Variants in CUL9 observed in about 807,000 individuals in gnomAD.
CUL9 encodes the protein cullin-9.
Under a neutral mutation model 272.6 loss-of-function variants are expected in CUL9, and 79 were observed. The observed-to-expected ratio is 0.29, with a 90% confidence interval of 0.24 to 0.35. The LOEUF is 0.35. CUL9 is among the 10% of genes least tolerant of loss of function. The pLI is 1.00. For synonymous variants in CUL9, 1,186 were observed against 1,286.5 expected, an observed-to-expected ratio of 0.92 and a Z score of 1.67; for missense variants, 2,532 against 3,255.6, an observed-to-expected ratio of 0.78 and a Z score of 5.41.
Position 43,213,489 on chromosome 6 carries a change from C to T in CUL9, c.5410C>T (p.Leu1804=). Reference sequence around the variant, plus strand: ...GGATTCTGACCTCTCCCCAGAGCTGCTGCTCCAGGCACTCGTGCCCCTCAC... The same window carrying T: ...GGATTCTGACCTCTCCCCAGAGCTGTTGCTCCAGGCACTCGTGCCCCTCAC... ...LKDSDLSPEL[L]LQALVPLTSG... Residue 1804 remains leucine (L), a synonymous_variant, in exon 28 of 41, where the codon CTG becomes TTG. Coordinates refer to ENST00000252050, the MANE Select transcript of CUL9 (RefSeq NM_015089.4). The surrounding 1 kb of genome is among the most constrained non-coding windows in gnomAD (Gnocchi z 5.7). The T allele has an allele frequency of 6.2e-7, 1 of 1,614,098 alleles. No individual in the cohort carries two copies. Among genetic ancestry groups the T allele is most frequent in the Non-Finnish European group, 8.5e-7 (1 of 1,180,006 alleles).
intron 9 of CUL9, among the ~76,000 whole-genome samples, chr6:43,195,468 G>T (rs1365439946): frequency 1.3e-5 from 2 of 152,232 alleles, no homozygotes; most frequent in Non-Finnish European, 2.9e-5. Flanking sequence ...AGGTTTTGGA[G>T]ACTTGGTGTA....
At chr6:43,183,775 CAG>C (rs1348859168) in intron 1 of CUL9, among the ~76,000 whole-genome samples, 1 of 150,102 alleles carries the variant, frequency 6.7e-6, no homozygotes, top group Non-Finnish European at 1.5e-5. Flanking sequence ...TTTTTTTTGA[CAG>C]AATCTCACTC....
In CUL9 at chr6:43,213,243, G is replaced by C; in HGVS notation, c.5307G>C (p.Leu1769=). 6.2e-7 allele frequency: 1 copy of C among 1,614,138 alleles called. No homozygotes were observed. The highest frequency in any genetic ancestry group is 8.5e-7 in the Non-Finnish European group (1 of 1,180,028). The change falls in exon 27 of 41, where the codon CTG becomes CTC. Residue 1769 remains leucine, a synonymous_variant. Transcript: ENST00000252050. The surrounding 1 kb of genome is among the most constrained non-coding windows in gnomAD (Gnocchi z 5.7). ...RAELQFGKQI[L]HVSTVQMWLL... ...AGCTGCAGTTTGGGAAGCAGATACT[G>C]CATGTGTCCACCGTGCAGATGTGGC...
Position 43,199,121 on chromosome 6 carries a change from A to G in CUL9, c.3051-145A>G. On this transcript the variant is annotated intron_variant, in intron 12 of 40. Coordinates refer to ENST00000252050, the MANE Select transcript of CUL9 (RefSeq NM_015089.4). This position sits in a 1 kb window ranked among gnomAD's most constrained non-coding sequence, Gnocchi z 4.4. ...CCAGCTAATTTTGTATTTTTAGTAGAGATGGGGTTTCTCCATTTTGGTCAG... is the reference window on the plus strand; with the variant it reads ...CCAGCTAATTTTGTATTTTTAGTAGGGATGGGGTTTCTCCATTTTGGTCAG... 1.3e-6 allele frequency: 1 copy of G among 772,118 alleles called. No individual in the cohort carries two copies. The highest frequency in any genetic ancestry group is 1.6e-5 in the South Asian group (1 of 61,278). 47.8% of individuals were successfully genotyped at this position (772,118 alleles called of 1,614,324 possible).
In CUL9 at chr6:43,218,073, G is replaced by A. The variant is rs1252224935; in HGVS notation, c.6282+1570G>A. Among the ~76,000 whole-genome samples, 1 of 152,222 alleles carries A rather than the reference G, an allele frequency of 6.6e-6. No individual in the cohort carries two copies. The highest frequency in any genetic ancestry group is 1.9e-4 in the East Asian group (1 of 5,206). ...AATCCTCCCGCCTTGACCTCCCAAA[G>A]TGCTGGAATTATAGGCATAAGCCAC... On this transcript the variant is annotated intron_variant, in intron 31 of 40. Transcript: ENST00000252050. This position sits in a 1 kb window ranked among gnomAD's most constrained non-coding sequence, Gnocchi z 4.4.
intron 8 of CUL9, 148 bp from the exon 9 acceptor site, chr6:43,192,853 G>A: frequency 3.0e-6 from 2 of 667,286 alleles, no homozygotes; most frequent in Non-Finnish European, 2.6e-6. Context: ...GGGTGAGACT[G>A]AAGCCAGGAG....
In CUL9 at chr6:43,215,099, G is replaced by A; in HGVS notation, c.5709G>A (p.Lys1903=). 1 of 1,607,186 alleles carries A rather than the reference G, an allele frequency of 6.2e-7. No homozygotes were observed. Among genetic ancestry groups the A allele is most frequent in the Non-Finnish European group, 8.5e-7 (1 of 1,175,420 alleles). The change falls in exon 30 of 41, where the codon AAG becomes AAA. Residue 1903 remains lysine, a synonymous_variant. Coordinates refer to ENST00000252050, the MANE Select transcript of CUL9 (RefSeq NM_015089.4). ...LVCLVLEAWQ[K]GPNPPGTLGH... is the part of the protein sequence containing the mutation. Reference sequence around the variant, plus strand: ...TCCAGGTGCTGGAGGCCTGGCAGAAGGGTCCAAATCCTCCTGGAACCCTGG... The same window carrying A: ...TCCAGGTGCTGGAGGCCTGGCAGAAAGGTCCAAATCCTCCTGGAACCCTGG...
At chr6:43,188,357 CTTTG>C (rs1263399989) in intron 7 of CUL9, 162 bp from the exon 8 acceptor site, 8 of 823,062 alleles carry the variant, frequency 9.7e-6, no homozygotes, top group Non-Finnish European at 1.5e-5. Flanking sequence ...TCTTCATCTC[CTTTG>C]TTTGATCATT....
chr6:43,221,385 A>AGG lies in CUL9; in HGVS notation c.6752+69_6752+70dup. The AGG allele has an allele frequency of 1.0e-6, 1 of 989,940 alleles. No homozygotes were observed. The highest frequency in any genetic ancestry group is 1.5e-6 in the Non-Finnish European group (1 of 682,956). 61.3% of individuals were successfully genotyped at this position (989,940 alleles called of 1,614,324 possible). ...AGGGGGGAGGAGGCCTGGCAGAAGG[A>AGG]GGGGGGAACGGGCTTAGTGTAAAGC... On this transcript the variant is annotated intron_variant, in intron 34 of 40. Transcript: ENST00000252050. This position sits in a 1 kb window ranked among gnomAD's most constrained non-coding sequence, Gnocchi z 4.2.
intron 4 of CUL9, 132 bp downstream of exon 4, chr6:43,186,587 G>A: frequency 1.5e-6 from 2 of 1,327,678 alleles, no homozygotes; most frequent in African/African-American, 1.5e-5. Flanking sequence ...ATACAAGGGG[G>A]TTGGCATTTG....
chr6:43,204,790 C>G lies in CUL9; in HGVS notation c.4382C>G (p.Ser1461Trp). 2 of 1,614,202 alleles carry G rather than the reference C, an allele frequency of 1.2e-6. No individual in the cohort carries two copies. Among genetic ancestry groups the G allele is most frequent in the Non-Finnish European group, 1.7e-6 (2 of 1,180,040 alleles). The change falls in exon 22 of 41, where the codon TCG (serine) becomes TGG (tryptophan). Residue 1461 changes from serine to tryptophan, a missense_variant. By Grantham distance (177) the Ser-to-Trp change is radical. Coordinates refer to ENST00000252050, the MANE Select transcript of CUL9 (RefSeq NM_015089.4). Reference sequence around the variant, plus strand: ...GGTCGGGACCGGAGCCCGGCGCCTTCGCCAGTGCTTCCAAGCAGCAGCCTG... The same window carrying G: ...GGTCGGGACCGGAGCCCGGCGCCTTGGCCAGTGCTTCCAAGCAGCAGCCTG... Reference protein sequence around the residue: ...SKGRDRSPAPSPVLPSSSLRN... With the variant: ...SKGRDRSPAPWPVLPSSSLRN...
At chr6:43,192,059 C>CTTTTTTTTTTTT (rs777284621) in intron 8 of CUL9, among the ~76,000 whole-genome samples, 1 of 118,642 alleles carries the variant, frequency 8.4e-6, no homozygotes, top group Non-Finnish European at 1.7e-5. Context: ...CCCCTTTTCT[C>CTTTTTTTTTTTT]TTTTTTTTTT....
chr6:43,196,826 C>T lies in CUL9; in HGVS notation c.2767C>T (p.Arg923Cys), dbSNP rs139585467. 1.6e-4 allele frequency: 251 copies of T among 1,614,142 alleles called. No homozygotes were observed. The highest frequency in any genetic ancestry group is 1.2e-3 in the East Asian group (55 of 44,884). The change falls in exon 11 of 41, where the codon CGC becomes TGC. Residue 923 changes from arginine to cysteine, a missense_variant. Transcript: ENST00000252050. ...TRTILMMLLN[R>C]YSEPPGSPER... ...CACCATCCTCATGATGCTTCTCAAT[C>T]GCTACTCAGAGCCGCCGGGCAGCCC...
chr6:43,213,784 T>C lies in CUL9; in HGVS notation c.5560T>C (p.Tyr1854His), dbSNP rs556629414. 5 of 1,614,174 alleles carry C rather than the reference T, an allele frequency of 3.1e-6. No individual in the cohort carries two copies. In the South Asian group the frequency reaches 5.5e-5, roughly 18 times the overall value. The change falls in exon 29 of 41, where the codon TAC (tyrosine) becomes CAC (histidine). Residue 1854 changes from tyrosine to histidine, a missense_variant. Around this residue, in one of 3 missense-constraint regions of CUL9, gnomAD observed 2,218 missense variants for 2,788.6 expected, o/e 0.80. Coordinates refer to ENST00000252050, the MANE Select transcript of CUL9 (RefSeq NM_015089.4). This position sits in a 1 kb window ranked among gnomAD's most constrained non-coding sequence, Gnocchi z 5.7. ...EALWLIPPQAYLNVEKDEGRT... is the reference protein window; with the variant it reads ...EALWLIPPQAHLNVEKDEGRT... ...CCTGTGGCTGATACCTCCCCAGGCA[T>C]ACCTGAACGTAGAGAAGGATGAAGG...
chr6:43,198,339 A>C (rs1774195732), intron 11 of CUL9: 1 of 977,894 alleles, frequency 1.0e-6, no homozygotes, highest in South Asian at 4.7e-5. Context: ...ATTTACTATA[A>C]CTAACATTTA....
intron 26 of CUL9, 155 bp from the exon 27 acceptor site, chr6:43,212,994 G>C (rs1160763806): frequency 1.2e-6 from 1 of 814,460 alleles, no homozygotes; most frequent in African/African-American, 1.7e-5. Flanking sequence ...AGGGAAGGCT[G>C]AGATCTGGAA....
chr6:43,203,172 A>T lies in CUL9; in HGVS notation c.3817A>T (p.Ile1273Phe). ...GGAGAACCTGAACCGCTTCTGGCCC[A>T]TCATCCAGATCCGCATAAAGCGCTG... ...LLENLNRFWPIIQIRIKRCQQ... is the reference protein window; with the variant it reads ...LLENLNRFWPFIQIRIKRCQQ... The change falls in exon 18 of 41, where the codon ATC becomes TTC. Residue 1273 changes from isoleucine to phenylalanine, a missense_variant. By Grantham distance (21) the Ile-to-Phe change is conservative (BLOSUM62 0). Around this residue, in one of 3 missense-constraint regions of CUL9, gnomAD observed 2,218 missense variants for 2,788.6 expected, o/e 0.80. Transcript: ENST00000252050. This position sits in a 1 kb window ranked among gnomAD's most constrained non-coding sequence, Gnocchi z 5.0. 6.2e-7 allele frequency: 1 copy of T among 1,614,102 alleles called. No individual in the cohort carries two copies. The highest frequency in any genetic ancestry group is 8.5e-7 in the Non-Finnish European group (1 of 1,180,034).
rs547800771 is a variant in CUL9 at position 43,191,777 on chromosome 6, G to T, written c.2181-1224G>T. 2.2e-4 allele frequency among the ~76,000 whole-genome samples: 34 copies of T among 151,902 alleles called. No individual in the cohort carries two copies. In the East Asian group the frequency reaches 6.4e-3, roughly 29 times the overall value. The stretch of plus-strand genomic sequence containing the variant: ...TTTTTGTATTTTTAGTAGAGATGGG[G>T]TTTTACCATGTTGGCCACATTGGTC... On this transcript the variant is annotated intron_variant, in intron 8 of 40. Coordinates refer to ENST00000252050, the MANE Select transcript of CUL9 (RefSeq NM_015089.4).
rs1356348260 is a variant in CUL9 at position 43,224,450 on chromosome 6, G to T, written c.*5G>T. ...GAAGATGAGGCCTATGACTGAGGGG[G>T]CAGATGCAGGAAACACCTAGAGCAG... On this transcript the variant is annotated 3_prime_UTR_variant, in exon 41 of 41. Coordinates refer to ENST00000252050, the MANE Select transcript of CUL9 (RefSeq NM_015089.4). This position sits in a 1 kb window ranked among gnomAD's most constrained non-coding sequence, Gnocchi z 4.2. 6.2e-7 allele frequency: 1 copy of T among 1,611,676 alleles called. No homozygotes were observed. Among genetic ancestry groups the T allele is most frequent in the South Asian group, 1.1e-5 (1 of 90,732 alleles).
Sources: gnomAD v4.1 joint callset for allele counts (sites outside exome capture counted in the v4.1 genomes callset) on GRCh38, gnomAD v4.1.1 for gene constraint, gnomAD v4.1.1 regional missense constraint, Gnocchi (gnomAD v3.1) non-coding constraint, MANE v1.5 for transcripts, NCBI Gene and HGNC (gene_info 2026-07-23, HGNC 2026-07-21) for gene names.